The following RBFOX1 variants were observed in gnomAD, a reference collection of about 807,000 sequenced individuals.
RBFOX1 encodes RNA binding protein fox-1 homolog 1.
Under a neutral mutation model 57.7 loss-of-function variants are expected in RBFOX1, and 8 were observed. The observed-to-expected ratio is 0.14, with a 90% CI of 0.08 to 0.25. The LOEUF (loss-of-function observed/expected upper bound fraction) is 0.25, where lower values mean the gene tolerates loss of function less well. Among genes scored for constraint, RBFOX1 ranks in the 10% least tolerant of loss-of-function variants. The probability of loss-of-function intolerance (pLI) is 1.00; values close to 1 mark genes in which losing one functional copy is unlikely to be tolerated. For missense variants in RBFOX1, 611 were observed against 548.5 expected (o/e 1.11, Z -1.14); for synonymous variants, 326 against 222.4 (o/e 1.47, Z -4.15).
intron 3 of RBFOX1, among the ~76,000 whole-genome samples, chr16:6,966,324 C>G (rs1209857646): frequency 2.0e-5 from 3 of 152,068 alleles, no homozygotes; most frequent in African/African-American, 4.8e-5. Flanking sequence ...GAAGGGAGAG[C>G]AAGTTTTGGC....
intron 3 of RBFOX1, among the ~76,000 whole-genome samples, chr16:5,705,416 C>T (rs1242521058): frequency 6.6e-6 from 1 of 152,156 alleles, no homozygotes; most frequent in African/African-American, 2.4e-5. Flanking sequence ...CATGCACCAC[C>T]ATGTACAGAT....
chr16:5,390,767 C>T lies in RBFOX1; in HGVS notation c.220-76449C>T, dbSNP rs369145282. Among the ~76,000 whole-genome samples, 192 of 152,226 alleles carry T rather than the reference C, an allele frequency of 1.3e-3. 1 individual carries two copies. The highest frequency in any genetic ancestry group is 4.3e-3 in the African/African-American group (177 of 41,538). ...TATTCCCTGGGTCAAATGAATTGTT[C>T]CAGAATGGGCCTGTGGCTCAAAGCT... On this transcript the variant is annotated intron_variant, in intron 1 of 2. Transcript: ENST00000585867.
In RBFOX1 at chr16:7,489,720, T is replaced by C. The variant is rs61232347; in HGVS notation, c.28-28427T>C. Among the ~76,000 whole-genome samples the C allele has an allele frequency of 6.9e-4, 105 of 151,844 alleles. No homozygotes were observed. The East Asian group carries it at 0.019, about 28-fold the overall frequency. On this transcript the variant is annotated intron_variant, in intron 4 of 15. Transcript: ENST00000550418. The stretch of plus-strand genomic sequence containing the variant: ...TTTTGTAGAGACCGTTTTTTTTTTT[T>C]ATGTTGTTCCGGCTGATCTTCAACT...
chr16:6,779,083 T>G (rs2079892190), intron 3 of RBFOX1, among the ~76,000 whole-genome samples: 1 of 152,080 alleles, frequency 6.6e-6, no homozygotes, highest in Admixed American at 6.6e-5. Context: ...GTTGTCCTAT[T>G]GTGCTAGTGA....
In RBFOX1 at chr16:7,422,242, C is replaced by T. The variant is rs1039606859; in HGVS notation, c.28-95905C>T. Among the ~76,000 whole-genome samples, 16 of 152,150 alleles carry T rather than the reference C, an allele frequency of 1.1e-4. No homozygotes were observed. The East Asian group carries it at 1.7e-3, about 17-fold the overall frequency. ...CCCACCAGTAGGCTGTTAGGCACGGCACTCAGAAACAGCCCTATTGTTTTA... is the reference window on the plus strand; with the variant it reads ...CCCACCAGTAGGCTGTTAGGCACGGTACTCAGAAACAGCCCTATTGTTTTA... On this transcript the variant is annotated intron_variant, in intron 4 of 15. Coordinates refer to ENST00000550418, the MANE Select transcript of RBFOX1 (RefSeq NM_018723.4).
At chr16:7,253,324 A>C (rs2094559063) in intron 4 of RBFOX1, among the ~76,000 whole-genome samples, 1 of 152,182 alleles carries the variant, frequency 6.6e-6, no homozygotes, top group Admixed American at 6.5e-5. Context: ...GTCAGTGGCA[A>C]CAAGGAAGAG....
intron 3 of RBFOX1, among the ~76,000 whole-genome samples, chr16:6,713,273 T>TGTTG (rs1376273739): frequency 6.6e-6 from 1 of 151,566 alleles, no homozygotes; most frequent in Non-Finnish European, 1.5e-5. Flanking sequence ...GGTTTTTGTT[T>TGTTG]GTTTGTGTAA....
chr16:6,957,399 C>T (rs1417827101), intron 3 of RBFOX1, among the ~76,000 whole-genome samples: 1 of 149,206 alleles, frequency 6.7e-6, no homozygotes, highest in Non-Finnish European at 1.5e-5. Context: ...GCGACTCACG[C>T]TCAGCCGGTT....
chr16:6,996,549 T>C (rs1029211444), intron 3 of RBFOX1, among the ~76,000 whole-genome samples: 3 of 152,220 alleles, frequency 2.0e-5, no homozygotes, highest in Non-Finnish European at 2.9e-5. Context: ...CTATTGTAAG[T>C]GCTTTCCAAA....
intron 4 of RBFOX1, among the ~76,000 whole-genome samples, chr16:7,466,384 A>G (rs2060523826): frequency 6.6e-6 from 1 of 152,230 alleles, no homozygotes; most frequent in South Asian, 2.1e-4. Flanking sequence ...TTATCTCATT[A>G]AATTCATACC....
At chr16:6,945,382 C>T (rs1326845419) in intron 3 of RBFOX1, among the ~76,000 whole-genome samples, 1 of 152,034 alleles carries the variant, frequency 6.6e-6, no homozygotes, top group Non-Finnish European at 1.5e-5. Context: ...CTGGTCTGAA[C>T]AACCTGTGCC....
intron 3 of RBFOX1, among the ~76,000 whole-genome samples, chr16:6,779,705 A>T (rs2080023875): frequency 8.4e-6 from 1 of 118,756 alleles, no homozygotes; most frequent in Non-Finnish European, 1.6e-5. Flanking sequence ...TTATTTATAT[A>T]TATATTTATA....
intron 5 of RBFOX1, among the ~76,000 whole-genome samples, chr16:7,562,522 A>G (rs998812036): frequency 3.3e-5 from 5 of 152,164 alleles, no homozygotes; most frequent in Non-Finnish European, 7.4e-5. Context: ...AGGATGGCTG[A>G]TCAGTGCCCC....
chr16:7,423,423 T>C (rs2098565470), intron 4 of RBFOX1, among the ~76,000 whole-genome samples: 1 of 151,890 alleles, frequency 6.6e-6, no homozygotes, highest in African/African-American at 2.4e-5. Flanking sequence ...CTAAAAGATA[T>C]TTGGGGTGCA....
At chr16:7,400,497 G>A (rs137997976) in intron 4 of RBFOX1, among the ~76,000 whole-genome samples, 1 of 152,142 alleles carries the variant, frequency 6.6e-6, no homozygotes, top group African/African-American at 2.4e-5. Context: ...AAGCTACCTT[G>A]GCCCACAGCT....
chr16:6,846,645 A>G (rs936928853), intron 3 of RBFOX1, among the ~76,000 whole-genome samples: 1 of 152,294 alleles, frequency 6.6e-6, no homozygotes, highest in Admixed American at 6.5e-5. Flanking sequence ...AAAACAGTTG[A>G]GCATCTACAG....
chr16:7,499,992 G>T (rs1048757970), intron 4 of RBFOX1, among the ~76,000 whole-genome samples: 2 of 151,932 alleles, frequency 1.3e-5, no homozygotes, highest in Non-Finnish European at 2.9e-5. Context: ...GGTTTTCCTT[G>T]AGTACACCTT....
intron 1 of RBFOX1, among the ~76,000 whole-genome samples, chr16:6,263,522 G>A (rs2097714544): frequency 6.6e-6 from 1 of 152,102 alleles, no homozygotes; most frequent in Non-Finnish European, 1.5e-5. Flanking sequence ...TTCTCTGAAT[G>A]TTTCTTTTTT....
chr16:7,012,938 C>G (rs1381064008), intron 3 of RBFOX1, among the ~76,000 whole-genome samples: 5 of 152,072 alleles, frequency 3.3e-5, no homozygotes, highest in Non-Finnish European at 2.9e-5. Flanking sequence ...GGTGGAGGCT[C>G]TCTTTGTGGT....
Sources: gnomAD v4.1 joint callset for allele counts (sites outside exome capture counted in the v4.1 genomes callset) on GRCh38, gnomAD v4.1.1 for gene constraint, MANE v1.5 for transcripts, NCBI Gene and HGNC (gene_info 2026-07-23, HGNC 2026-07-21) for gene names.